The following PRKN variants were observed in gnomAD, a reference collection of about 807,000 sequenced individuals.
The protein encoded by PRKN is parkin RBR E3 ubiquitin protein ligase.
PRKN carries 56 observed loss-of-function variants against 59.5 expected under a neutral mutation model. The ratio of observed to expected loss-of-function variants is 0.94; its 90% CI spans 0.76 to 1.18. PRKN has a LOEUF of 1.18. PRKN is among the 50% of genes most tolerant of loss of function. The pLI is 0.00. For missense variants in PRKN, 657 were observed against 596.4 expected, an observed-to-expected ratio of 1.10 and a Z score of -1.06; for synonymous variants, 250 against 222.1, an observed-to-expected ratio of 1.13 and a Z score of -1.12.
At chr6:161,688,633 A>T (rs908000769) in intron 7 of PRKN, among the ~76,000 whole-genome samples, 1 of 152,196 alleles carries the variant, frequency 6.6e-6, no homozygotes, top group African/African-American at 2.4e-5. Context: ...TAGCGGCGCA[A>T]ATACAACAGC....
At chr6:161,687,617 C>T (rs6915147) in intron 7 of PRKN, among the ~76,000 whole-genome samples, 27 of 150,386 alleles carry the variant, frequency 1.8e-4, no homozygotes, top group Non-Finnish European at 2.5e-4. Context: ...CCACCACGCC[C>T]GGCTAATTTT....
chr6:161,493,352 C>T (rs1777628016), intron 9 of PRKN, among the ~76,000 whole-genome samples: 1 of 152,140 alleles, frequency 6.6e-6, no homozygotes, highest in South Asian at 2.1e-4. Flanking sequence ...CCATTTGACC[C>T]ATGAGGACAC....
At chr6:161,433,273 A>G (rs909259524) in intron 9 of PRKN, among the ~76,000 whole-genome samples, 1 of 152,228 alleles carries the variant, frequency 6.6e-6, no homozygotes, top group Admixed American at 6.5e-5. Flanking sequence ...AGCTGTAAGC[A>G]GTATGCGTCC....
In PRKN at chr6:161,636,087, T is replaced by C. The variant is rs571273990; in HGVS notation, c.872-66671A>G. On this transcript the variant is annotated intron_variant, in intron 7 of 11. Coordinates refer to ENST00000366898, the MANE Select transcript of PRKN (RefSeq NM_004562.3). ...CTCCCATCTCGAGTCTCCCAGGCAC[T>C]ATGAGCAGGCCGTTGTGCTGAGGGC... is the stretch of plus-strand genomic sequence containing the variant. Among the ~76,000 whole-genome samples the C allele has an allele frequency of 9.9e-5, 15 of 152,258 alleles. No homozygotes were observed. In the South Asian group the frequency reaches 3.1e-3, roughly 32 times the overall value.
chr6:161,743,978 C>T (rs1220777809), intron 7 of PRKN, among the ~76,000 whole-genome samples: 3 of 152,020 alleles, frequency 2.0e-5, no homozygotes, highest in Admixed American at 6.6e-5. Flanking sequence ...GGGTTTTTCT[C>T]GTGACTTCGG....
intron 6 of PRKN, among the ~76,000 whole-genome samples, chr6:161,920,045 G>T (rs935755417): frequency 6.6e-6 from 1 of 152,290 alleles, no homozygotes; most frequent in Admixed American, 6.5e-5. Context: ...TTTGCTGCTG[G>T]GTTAAAAACC....
chr6:161,482,868 T>C (rs555110056), intron 9 of PRKN, among the ~76,000 whole-genome samples: 1 of 152,360 alleles, frequency 6.6e-6, no homozygotes, highest in South Asian at 2.1e-4. Flanking sequence ...ATAATAGACT[T>C]ACAATATGAC....
rs1790504094 is a variant in PRKN at position 161,466,915 on chromosome 6, T to C, written c.1084-80038A>G. ...TTAATGAGGGATTTTTATTCTTTTG[T>C]TTCTGGTGGCAGAAATAAAATATTC... On this transcript the variant is annotated intron_variant, in intron 9 of 11. Coordinates refer to ENST00000366898, the MANE Select transcript of PRKN (RefSeq NM_004562.3). The surrounding 1 kb of genome is among the most constrained non-coding windows in gnomAD (Gnocchi z 5.0). Among the ~76,000 whole-genome samples the C allele has an allele frequency of 6.6e-6, 1 of 152,230 alleles. No individual in the cohort carries two copies. The highest frequency in any genetic ancestry group is 1.5e-5 in the Non-Finnish European group (1 of 68,046).
At chr6:162,623,021 TG>T (rs1406931360) in intron 1 of PRKN, among the ~76,000 whole-genome samples, 3 of 152,224 alleles carry the variant, frequency 2.0e-5, no homozygotes, top group Non-Finnish European at 4.4e-5. Context: ...CCTTTTCCAT[TG>T]TTTTAATGCT....
rs919558671 is a variant in PRKN, at chr6:161,566,483, T to C, written c.933+2872A>G. Among the ~76,000 whole-genome samples the C allele has an allele frequency of 3.3e-5, 5 of 152,222 alleles. No individual in the cohort carries two copies. In the South Asian group the frequency reaches 1.0e-3, roughly 31 times the overall value. Reference sequence around the variant, plus strand: ...GTGCATTGGCACGATATTGGCTCACTGCAACCTCCGCCTCCCAGGCTCAAG... The same window carrying C: ...GTGCATTGGCACGATATTGGCTCACCGCAACCTCCGCCTCCCAGGCTCAAG... On this transcript the variant is annotated intron_variant, in intron 8 of 11. Coordinates refer to ENST00000366898, the MANE Select transcript of PRKN (RefSeq NM_004562.3). This position sits in a 1 kb window ranked among gnomAD's most constrained non-coding sequence, Gnocchi z 4.1.
At chr6:162,357,237 G>A (rs67940311) in intron 2 of PRKN, among the ~76,000 whole-genome samples, 2 of 151,918 alleles carry the variant, frequency 1.3e-5, no homozygotes, top group Non-Finnish European at 2.9e-5. Flanking sequence ...TGATAAAGGA[G>A]TAGTATCCAA....
At chr6:161,416,319 G>T (rs1462004910) in intron 9 of PRKN, among the ~76,000 whole-genome samples, 2 of 152,092 alleles carry the variant, frequency 1.3e-5, no homozygotes, top group East Asian at 3.9e-4. Flanking sequence ...GACGGATTGG[G>T]CTTGTTTTTC....
At chr6:161,634,773 G>A (rs1437583613) in intron 7 of PRKN, among the ~76,000 whole-genome samples, 1 of 152,186 alleles carries the variant, frequency 6.6e-6, no homozygotes, top group East Asian at 1.9e-4. Flanking sequence ...GCTTCAAGCA[G>A]GTCATAAGAA....
rs71004099 is a variant in PRKN, at chr6:162,533,988, A to AAAAAAAAAAAAAAAAAAG, written c.8-90516_8-90515insCTTTTTTTTTTTTTTTTT. 1.4e-5 allele frequency among the ~76,000 whole-genome samples: 2 copies of AAAAAAAAAAAAAAAAAAG among 143,678 alleles called. 1 individual carries two copies. The allele number at this position is 143,678 out of a possible 152,430, so 94.3% of individuals were successfully genotyped here. A position where few individuals can be genotyped will look rare whatever the true frequency, so the allele number is the denominator to read the frequency against. On this transcript the variant is annotated intron_variant, in intron 1 of 11. Coordinates refer to ENST00000366898, the MANE Select transcript of PRKN (RefSeq NM_004562.3). ...TCCATCTCAAAAAAAAAAAAAAAAA[A>AAAAAAAAAAAAAAAAAAG]GAGATATGAAGGAGGATTAATAAGA...
intron 5 of PRKN, among the ~76,000 whole-genome samples, chr6:162,025,701 G>T (rs1783408380): frequency 1.4e-5 from 2 of 139,172 alleles, no homozygotes; most frequent in South Asian, 4.6e-4. Flanking sequence ...CGATTCTTCT[G>T]CCTCAGCCTC....
At chr6:161,949,011 A>G (rs1036049177) in intron 6 of PRKN, among the ~76,000 whole-genome samples, 1 of 152,182 alleles carries the variant, frequency 6.6e-6, no homozygotes, top group African/African-American at 2.4e-5. Context: ...AGGGAAGTGG[A>G]CCAGTGAGAA....
intron 6 of PRKN, among the ~76,000 whole-genome samples, chr6:161,941,345 T>C (rs1163498825): frequency 6.6e-6 from 1 of 152,158 alleles, no homozygotes; most frequent in Non-Finnish European, 1.5e-5. Flanking sequence ...GCCACCAGCA[T>C]GTTGGCCACT....
chr6:162,293,787 AAG>A (rs1403814623), intron 2 of PRKN, among the ~76,000 whole-genome samples: 1 of 152,158 alleles, frequency 6.6e-6, no homozygotes, highest in Non-Finnish European at 1.5e-5. Flanking sequence ...GAGAGACAGA[AAG>A]AGAGAGAGAC....
At position 161,462,955 on chromosome 6, in the gene PRKN, A is replaced by G. The variant is rs1790289163; in HGVS notation, c.1084-76078T>C. On this transcript the variant is annotated intron_variant, in intron 9 of 11. Transcript: ENST00000366898. The surrounding 1 kb of genome is among the most constrained non-coding windows in gnomAD (Gnocchi z 4.5). Reference sequence around the variant, plus strand: ...TTAACAAGGCACTACAGTAGGCTATAGGGGCATGAAGATGTCAGAAGTTCT... The same window carrying G: ...TTAACAAGGCACTACAGTAGGCTATGGGGGCATGAAGATGTCAGAAGTTCT... Among the ~76,000 whole-genome samples, 1 of 152,198 alleles carries G rather than the reference A, an allele frequency of 6.6e-6. No homozygotes were observed. Among genetic ancestry groups the G allele is most frequent in the South Asian group, 2.1e-4 (1 of 4,826 alleles).
Sources: gnomAD v4.1 joint callset for allele counts (sites outside exome capture counted in the v4.1 genomes callset) on GRCh38, gnomAD v4.1.1 for gene constraint, Gnocchi (gnomAD v3.1) non-coding constraint, MANE v1.5 for transcripts, NCBI Gene and HGNC (gene_info 2026-07-23, HGNC 2026-07-21) for gene names.